Variants in FAS observed in about 807,000 individuals in gnomAD.
FAS encodes the protein Fas cell surface death receptor.
Under a neutral mutation model 33.2 loss-of-function variants are expected in FAS, and 5 were observed. The observed-to-expected ratio is 0.15, with a 90% CI of 0.08 to 0.32. The LOEUF (loss-of-function observed/expected upper bound fraction) is 0.32, where lower values mean the gene tolerates loss of function less well. Among genes scored for constraint, FAS ranks in the 10% least tolerant of loss-of-function variants. The pLI is 1.00. For missense variants in FAS, 339 were observed against 386.0 expected (o/e 0.88, Z 1.02); for synonymous variants, 131 against 130.7 (o/e 1.00, Z -0.01).
At chr10:89,002,913 C>T in intron 1 of FAS, 116 bp from the exon 2 acceptor site, 1 of 1,046,156 alleles carries the variant, frequency 9.6e-7, no homozygotes, top group Non-Finnish European at 1.5e-6. Flanking sequence ...GTGGAGCCCT[C>T]ACATTGTCTT....
intron 7 of FAS, 143 bp from the exon 8 acceptor site, chr10:89,013,200 C>T (rs1848617306): frequency 4.0e-6 from 3 of 750,582 alleles, no homozygotes; most frequent in Middle Eastern, 3.9e-4. Flanking sequence ...TTCTTAATCA[C>T]TTAATCTAGC....
In FAS at chr10:89,016,221, C is replaced by T. The variant is rs532417606; in HGVS notation, c.*1771C>T. 1.8e-4 allele frequency: 38 copies of T among 216,716 alleles called. No homozygotes were observed. Among genetic ancestry groups the T allele is most frequent in the African/African-American group, 8.1e-4 (36 of 44,568 alleles). 13.4% of individuals were successfully genotyped at this position (216,716 alleles called of 1,614,324 possible). ...GAGTCCCAAAGTATTAGCATTTCAA[C>T]ATGTAAGCATGTCGGTAAGATAGTT... On this transcript the variant is annotated 3_prime_UTR_variant, in exon 9 of 9. Coordinates refer to ENST00000652046, the MANE Select transcript of FAS (RefSeq NM_000043.6).
At chr10:88,988,165 G>C (rs1846963426), upstream of FAS, among the ~76,000 whole-genome samples, 1 of 152,070 alleles carries the variant, frequency 6.6e-6, no homozygotes, top group Admixed American at 6.5e-5. Context: ...CTGACTAAAA[G>C]AACCACTCAC....
intron 1 of FAS, among the ~76,000 whole-genome samples, chr10:88,966,445 G>A (rs117500560): frequency 3.9e-5 from 6 of 152,264 alleles, no homozygotes; most frequent in Non-Finnish European, 8.8e-5. Flanking sequence ...ATCTATAAGT[G>A]TGTGGGCCTA....
At chr10:88,973,190 A>G (rs1846488339) in exon 2 of FAS, 1 of 1,612,220 alleles carries the variant, frequency 6.2e-7, no homozygotes, top group Non-Finnish European at 8.5e-7. Context: ...AGATTCAGAA[A>G]TTCCTTTCTG....
intron 2 of FAS, chr10:88,973,550 T>C (rs1846496447): frequency 5.4e-6 from 2 of 367,216 alleles, no homozygotes; most frequent in Non-Finnish European, 9.5e-6. Flanking sequence ...GGATGCAATG[T>C]TGTGTTTGTC....
At chr10:88,999,176 A>T (rs1353450987) in intron 1 of FAS, among the ~76,000 whole-genome samples, 2 of 98,450 alleles carry the variant, frequency 2.0e-5, no homozygotes, top group East Asian at 2.7e-4. Context: ...AATAAATAAA[A>T]TAAAATAAAA....
chr10:88,996,124 T>C (rs9658687), intron 1 of FAS, among the ~76,000 whole-genome samples: 68 of 152,332 alleles, frequency 4.5e-4, no homozygotes, highest in Middle Eastern at 3.4e-3. Context: ...GAAATGTGAA[T>C]ACTTTTTATT....
rs1848807646 is a variant in FAS, at chr10:89,016,386, A to G, written c.*1936A>G. 9.2e-6 allele frequency: 2 copies of G among 218,288 alleles called. No individual in the cohort carries two copies. The highest frequency in any genetic ancestry group is 1.4e-4 in the East Asian group (2 of 14,788). 13.5% of individuals were successfully genotyped at this position (218,288 alleles called of 1,614,324 possible). A position where few individuals can be genotyped will look rare whatever the true frequency, so the allele number is the denominator to read the frequency against. ...TGTGCTGTCTGCTCTCCAGTTTTCT[A>G]TTTCTAGACAGAAGTAGGGCAAGTT... is the stretch of plus-strand genomic sequence containing the variant. On this transcript the variant is annotated 3_prime_UTR_variant, in exon 9 of 9. Transcript: ENST00000652046.
At chr10:88,989,399 A>C (rs953422757), upstream of FAS, 1 of 428,756 alleles carries the variant, frequency 2.3e-6, no homozygotes, top group Non-Finnish European at 4.6e-6. Context: ...ATTTCAAAAA[A>C]TTTGCAGAGA....
At chr10:89,010,911 TG>T in intron 6 of FAS, 96 bp downstream of exon 6, 6 of 1,406,358 alleles carry the variant, frequency 4.3e-6, no homozygotes, top group Non-Finnish European at 6.0e-6. Flanking sequence ...GCTACCACTT[TG>T]GTAGATTTAT....
At position 89,010,635 on chromosome 10, in the gene FAS, C is replaced by T. The variant is rs768813434; in HGVS notation, c.505+35C>T. 8 of 1,608,994 alleles carry T rather than the reference C, an allele frequency of 5.0e-6. No individual in the cohort carries two copies. In the South Asian group the frequency reaches 5.5e-5, roughly 11 times the overall value. ...TTTTTACGGTTATATTCTCCTTTCCCCCAACCCCATGGAAAGATGTGAAGA... is the reference window on the plus strand; with the variant it reads ...TTTTTACGGTTATATTCTCCTTTCCTCCAACCCCATGGAAAGATGTGAAGA... On this transcript the variant is annotated intron_variant, in intron 5 of 8. Coordinates refer to ENST00000652046, the MANE Select transcript of FAS (RefSeq NM_000043.6).
intron 1 of FAS, among the ~76,000 whole-genome samples, chr10:88,995,535 C>T (rs1319015902): frequency 6.6e-6 from 1 of 152,132 alleles, no homozygotes; most frequent in African/African-American, 2.4e-5. Context: ...TAAGATTATA[C>T]CTTTAGGCTG....
chr10:88,977,993 C>A (rs1378035110), intron 2 of FAS, among the ~76,000 whole-genome samples: 1 of 50,316 alleles, frequency 2.0e-5, no homozygotes, highest in Non-Finnish European at 3.9e-5. Context: ...AGACTTGGAA[C>A]CAACCCAAAT....
chr10:89,007,864 GA>G, intron 3 of FAS, 27 bp downstream of exon 3: 1 of 1,613,440 alleles, frequency 6.2e-7, no homozygotes, highest in Non-Finnish European at 8.5e-7. Flanking sequence ...GCAATTGAAA[GA>G]GGCCAATCTT....
rs1171408254 is a variant in FAS, at chr10:89,000,878, C to A, written c.31-2151C>A. ...CCTGGCCAACGTGGTGAAATGCCGT[C>A]TCTACTAAAAATACAAAAAATTAGC... On this transcript the variant is annotated intron_variant, in intron 1 of 8. Coordinates refer to ENST00000652046, the MANE Select transcript of FAS (RefSeq NM_000043.6). 2.7e-5 allele frequency among the ~76,000 whole-genome samples: 4 copies of A among 150,878 alleles called. No homozygotes were observed. The East Asian group carries it at 7.8e-4, about 29-fold the overall frequency.
chr10:89,016,811 T>G lies in FAS; in HGVS notation c.*2361T>G, dbSNP rs567599595. Reference sequence around the variant, plus strand: ...CAGATCACATTGAAAGCATTGCATATTCAAACATCTTGGTCTTCTTTATTG... The same window carrying G: ...CAGATCACATTGAAAGCATTGCATAGTCAAACATCTTGGTCTTCTTTATTG... On this transcript the variant is annotated 3_prime_UTR_variant, in exon 9 of 9. Coordinates refer to ENST00000652046, the MANE Select transcript of FAS (RefSeq NM_000043.6). The G allele has an allele frequency of 1.8e-4, 38 of 215,862 alleles. No individual in the cohort carries two copies. The highest frequency in any genetic ancestry group is 6.5e-4 in the African/African-American group (29 of 44,512). The allele number at this position is 215,862 out of a possible 1,614,324, so 13.4% of individuals were successfully genotyped here. A position where few individuals can be genotyped will look rare whatever the true frequency, so the allele number is the denominator to read the frequency against.
chr10:88,997,047 A>C (rs1031637634), intron 1 of FAS, among the ~76,000 whole-genome samples: 1 of 152,254 alleles, frequency 6.6e-6, no homozygotes, highest in Non-Finnish European at 1.5e-5. Context: ...TGAGAAGTCA[A>C]ATTCTGATTT....
intron 1 of FAS, among the ~76,000 whole-genome samples, chr10:88,996,095 A>C (rs1847570435): frequency 6.6e-6 from 1 of 152,230 alleles, no homozygotes. Flanking sequence ...TTGTGAGGCT[A>C]TAAAAATATA....
Sources: gnomAD v4.1 joint callset for allele counts (sites outside exome capture counted in the v4.1 genomes callset) on GRCh38, gnomAD v4.1.1 for gene constraint, MANE v1.5 for transcripts, NCBI Gene and HGNC (gene_info 2026-07-23, HGNC 2026-07-21) for gene names.